TMEM64: variants seen among roughly 807,000 people sequenced by gnomAD.
The protein encoded by TMEM64 is transmembrane protein 64.
TMEM64 carries 19 observed loss-of-function variants against 24.5 expected under a neutral mutation model. The observed-to-expected ratio is 0.78, with a 90% confidence interval of 0.54 to 1.14. The LOEUF (loss-of-function observed/expected upper bound fraction) is 1.14. Among genes scored for constraint, TMEM64 ranks in the 50% most tolerant of loss-of-function variants. TMEM64 has a pLI of 0.00. For missense variants in TMEM64, 487 were observed against 493.0 expected (o/e 0.99, Z 0.12); for synonymous variants, 262 against 224.7 (o/e 1.17, Z -1.49).
chr8:90,644,555 A>T (rs1809657927), intron 1 of TMEM64, among the ~76,000 whole-genome samples: 1 of 152,200 alleles, frequency 6.6e-6, no homozygotes, highest in Non-Finnish European at 1.5e-5. Flanking sequence ...AAAGAAAGAT[A>T]AACAGTAGGA....
chr8:90,636,752 C>T (rs58805384), intron 1 of TMEM64, among the ~76,000 whole-genome samples: 10,341 of 152,198 alleles, frequency 0.068, 1,125 homozygotes, highest in African/African-American at 0.23. Context: ...AAACATGAGC[C>T]TAGATCAATA....
At chr8:90,636,452 C>A (rs1451491815) in intron 1 of TMEM64, among the ~76,000 whole-genome samples, 1 of 152,294 alleles carries the variant, frequency 6.6e-6, no homozygotes, top group East Asian at 1.9e-4. Context: ...GGCCGGGTTT[C>A]ACCATGTTGG....
At chr8:90,637,927 T>G (rs1212388087) in intron 1 of TMEM64, among the ~76,000 whole-genome samples, 1 of 152,206 alleles carries the variant, frequency 6.6e-6, no homozygotes, top group Non-Finnish European at 1.5e-5. Flanking sequence ...GTTCCCAATC[T>G]CAGCGGCCCT....
At chr8:90,641,256 G>C (rs375853858) in intron 1 of TMEM64, among the ~76,000 whole-genome samples, 7 of 152,228 alleles carry the variant, frequency 4.6e-5, no homozygotes, top group African/African-American at 1.7e-4. Context: ...CTTAAAAGGA[G>C]ACACACATAG....
intron 2 of TMEM64, among the ~76,000 whole-genome samples, chr8:90,630,918 T>C (rs1460676801): frequency 6.6e-6 from 1 of 152,252 alleles, no homozygotes; most frequent in African/African-American, 2.4e-5. Flanking sequence ...GAAATTTGCC[T>C]ATGTGGCAGT....
chr8:90,641,518 T>C (rs1324386213), intron 1 of TMEM64, among the ~76,000 whole-genome samples: 1 of 152,168 alleles, frequency 6.6e-6, no homozygotes, highest in Non-Finnish European at 1.5e-5. Flanking sequence ...TAATGTCTGA[T>C]CTTTAAGGTG....
rs1216899487 is a variant in TMEM64, at chr8:90,624,686, T to A, written c.*985A>T. 6.6e-6 allele frequency: 1 copy of A among 152,484 alleles called. No homozygotes were observed. The highest frequency in any genetic ancestry group is 2.1e-4 in the South Asian group (1 of 4,830). The allele number at this position is 152,484 out of a possible 1,614,324, so 9.4% of individuals were successfully genotyped here. On this transcript the variant is annotated 3_prime_UTR_variant, in exon 3 of 3. Transcript: ENST00000458549. The stretch of plus-strand genomic sequence containing the variant: ...AAAGCTGAAGACTATGGGAACAATA[T>A]ATATGTACTTCATGAAATTATAAAC...
intron 1 of TMEM64, among the ~76,000 whole-genome samples, chr8:90,639,777 T>C (rs1420427658): frequency 6.6e-6 from 1 of 152,242 alleles, no homozygotes; most frequent in Non-Finnish European, 1.5e-5. Flanking sequence ...TTCTTTGTAC[T>C]TGCTATACTT....
At chr8:90,638,136 T>C (rs1407763555) in intron 1 of TMEM64, among the ~76,000 whole-genome samples, 1 of 152,010 alleles carries the variant, frequency 6.6e-6, no homozygotes, top group East Asian at 1.9e-4. Context: ...GAAATCTTTT[T>C]AAAAAGTGAG....
chr8:90,633,213 A>C (rs1259953605), intron 1 of TMEM64, among the ~76,000 whole-genome samples: 1 of 152,212 alleles, frequency 6.6e-6, no homozygotes, highest in Non-Finnish European at 1.5e-5. Flanking sequence ...CTTCTTCCTC[A>C]AGCAAGTAAG....
chr8:90,642,996 AACT>A (rs1422303219), intron 1 of TMEM64, among the ~76,000 whole-genome samples: 2 of 152,164 alleles, frequency 1.3e-5, no homozygotes, highest in Non-Finnish European at 2.9e-5. Context: ...GCTCAGTTTC[AACT>A]ACATGATTAC....
chr8:90,641,644 A>T (rs971811059), intron 1 of TMEM64, among the ~76,000 whole-genome samples: 11 of 152,230 alleles, frequency 7.2e-5, no homozygotes, highest in African/African-American at 2.7e-4. Context: ...CTAACTGTGT[A>T]ATCTTGAGCA....
Position 90,625,194 on chromosome 8 carries a change from T to C in TMEM64, c.*477A>G, listed in dbSNP as rs1809338179. 6.6e-6 allele frequency: 1 copy of C among 152,190 alleles called. No individual in the cohort carries two copies. Among genetic ancestry groups the C allele is most frequent in the Non-Finnish European group, 1.5e-5 (1 of 68,060 alleles). The allele number at this position is 152,190 out of a possible 1,614,324, so 9.4% of individuals were successfully genotyped here. Reference sequence around the variant, plus strand: ...AAGCTAAGTGGTCCCACTTAAACAATAAAACAAAACAAAACAAAAACCACT... The same window carrying C: ...AAGCTAAGTGGTCCCACTTAAACAACAAAACAAAACAAAACAAAAACCACT... On this transcript the variant is annotated 3_prime_UTR_variant, in exon 3 of 3. Coordinates refer to ENST00000458549, the MANE Select transcript of TMEM64 (RefSeq NM_001008495.4).
In TMEM64 at chr8:90,623,884, G is replaced by A. The variant is rs1809316469; in HGVS notation, c.*1787C>T. 6.6e-6 allele frequency: 1 copy of A among 151,642 alleles called. No homozygotes were observed. 9.4% of individuals were successfully genotyped at this position (151,642 alleles called of 1,614,324 possible). A position where few individuals can be genotyped will look rare whatever the true frequency, so the allele number is the denominator to read the frequency against. ...AAATAAATCAAATGTATTGTTGGTTGGGATTGTTAAACTAAAATCATTAAA... is the reference window on the plus strand; with the variant it reads ...AAATAAATCAAATGTATTGTTGGTTAGGATTGTTAAACTAAAATCATTAAA... On this transcript the variant is annotated 3_prime_UTR_variant, in exon 3 of 3. Coordinates refer to ENST00000458549, the MANE Select transcript of TMEM64 (RefSeq NM_001008495.4).
At chr8:90,629,481 A>G (rs570983798) in intron 2 of TMEM64, among the ~76,000 whole-genome samples, 92 of 152,256 alleles carry the variant, frequency 6.0e-4, no homozygotes, top group Non-Finnish European at 1.2e-3. Flanking sequence ...AAAAAATGTT[A>G]CAAATAGATT....
At chr8:90,644,412 CAT>C (rs1321536417) in intron 1 of TMEM64, among the ~76,000 whole-genome samples, 3 of 152,164 alleles carry the variant, frequency 2.0e-5, no homozygotes, top group Admixed American at 6.5e-5. Flanking sequence ...GTAAGCAAAA[CAT>C]ATGAATACAA....
chr8:90,631,810 A>T (rs1809444390), intron 1 of TMEM64, 103 bp from the exon 2 acceptor site: 5 of 898,844 alleles, frequency 5.6e-6, no homozygotes, highest in Admixed American at 2.3e-5. Flanking sequence ...TTCCTCGGGA[A>T]GGAGCTGACA....
rs1353967379 is a variant in TMEM64 at position 90,625,812 on chromosome 8, C to T, written c.1002G>A (p.Val334=). 1.2e-6 allele frequency: 2 copies of T among 1,613,798 alleles called. No homozygotes were observed. Among genetic ancestry groups the T allele is most frequent in the East Asian group, 2.2e-5 (1 of 44,850 alleles). The change falls in exon 3 of 3, where the codon GTG becomes GTA. Residue 334 remains valine (V), a synonymous_variant. Transcript: ENST00000458549. The stretch of plus-strand genomic sequence containing the variant: ...AAGCTACAATAGCTGCATTCAATTC[C>T]ACTTGAGCTCGATGAACTACATAAA... ...LMFYVVHRAQ[V]ELNAAIVACE...
intron 1 of TMEM64, among the ~76,000 whole-genome samples, chr8:90,633,090 C>A (rs1266613069): frequency 1.3e-5 from 2 of 152,164 alleles, no homozygotes; most frequent in Non-Finnish European, 2.9e-5. Context: ...CTTGTGTGAT[C>A]CCTTCCCCTA....
Sources: gnomAD v4.1 joint callset for allele counts (sites outside exome capture counted in the v4.1 genomes callset) on GRCh38, gnomAD v4.1.1 for gene constraint, MANE v1.5 for transcripts, NCBI Gene and HGNC (gene_info 2026-07-23, HGNC 2026-07-21) for gene names.